Variants in NRAS observed in about 807,000 individuals in gnomAD.
The protein encoded by NRAS is NRAS proto-oncogene, GTPase.
In NRAS, 6 loss-of-function variants were observed where a neutral mutation model predicts 21.3. That is an observed-to-expected ratio of 0.28 (90% CI 0.15 to 0.56). The LOEUF is 0.56. Among genes scored for constraint, NRAS ranks in the 20% least tolerant of loss-of-function variants. The pLI, the probability that NRAS is intolerant of heterozygous loss-of-function variation, is 0.93. For missense variants in NRAS, 143 were observed against 231.3 expected (o/e 0.62, Z 2.48); for synonymous variants, 84 against 82.0 (o/e 1.02, Z -0.13).
intron 2 of NRAS, 27 bp from the exon 3 acceptor site, chr1:114,714,005 G>C: frequency 1.6e-6 from 2 of 1,236,734 alleles, no homozygotes; most frequent in Admixed American, 1.9e-5. Context: ...TAAGGGGGCA[G>C]GGAGGGAGGG....
chr1:114,715,938 CA>C (rs1659154055), intron 2 of NRAS, 111 bp downstream of exon 2: 1 of 761,174 alleles, frequency 1.3e-6, no homozygotes, highest in Admixed American at 1.9e-5. Context: ...AATGTATACC[CA>C]AAATAACTTT....
intron 1 of NRAS, among the ~76,000 whole-genome samples, 168 bp from the exon 2 acceptor site, chr1:114,716,345 T>C (rs1401819721): frequency 1.3e-5 from 2 of 151,802 alleles, no homozygotes; most frequent in Admixed American, 1.3e-4. Context: ...ACTTCTGGAG[T>C]AGTTTTCTAG....
intron 3 of NRAS, among the ~76,000 whole-genome samples, chr1:114,710,579 GA>G (rs1263360437): frequency 2.6e-5 from 4 of 151,982 alleles, no homozygotes; most frequent in African/African-American, 9.7e-5. Flanking sequence ...GCGAGAGAAA[GA>G]GAGAGCGAGA....
intron 2 of NRAS, 40 bp from the exon 3 acceptor site, chr1:114,714,018 G>A (rs753896542): frequency 4.0e-6 from 4 of 993,282 alleles, no homozygotes; most frequent in Non-Finnish European, 6.1e-6. Flanking sequence ...AGGGAGGGAA[G>A]TTCAATTTTT....
chr1:114,706,434 T>C lies in NRAS; in HGVS notation c.*1660A>G, dbSNP rs1203360163. 6.6e-6 allele frequency: 1 copy of C among 152,234 alleles called. No homozygotes were observed. The highest frequency in any genetic ancestry group is 1.5e-5 in the Non-Finnish European group (1 of 68,040). The allele number at this position is 152,234 out of a possible 1,614,324, so 9.4% of individuals were successfully genotyped here. ...GGTATCAATTAATTATATTTTCCAT[T>C]CCTGTCTCAACAATTTCAACTTCCT... is the stretch of plus-strand genomic sequence containing the variant. On this transcript the variant is annotated 3_prime_UTR_variant, in exon 7 of 7. Transcript: ENST00000369535.
rs1406157072 is a variant in NRAS, at chr1:114,706,792, C to T, written c.*1302G>A. ...AGAATTTCTTTCTCTGTGATGCTAA[C>T]TGGATTGTTCAAGTTTTGAAACTGT... On this transcript the variant is annotated 3_prime_UTR_variant, in exon 7 of 7. Transcript: ENST00000369535. 1 of 152,168 alleles carries T rather than the reference C, an allele frequency of 6.6e-6. No individual in the cohort carries two copies. Among genetic ancestry groups the T allele is most frequent in the East Asian group, 1.9e-4 (1 of 5,198 alleles). 9.4% of individuals were successfully genotyped at this position (152,168 alleles called of 1,614,324 possible).
rs1274842204 is a variant in NRAS, at chr1:114,716,068, T to C, written c.93A>G (p.Glu31=). Reference sequence around the variant, plus strand: ...GCCTCACCTCTATGGTGGGATCATATTCATCTACAAAGTGGTTCTGGATTA... The same window carrying C: ...GCCTCACCTCTATGGTGGGATCATACTCATCTACAAAGTGGTTCTGGATTA... ...IQLIQNHFVD[E]YDPTIEDSYR... is the part of the protein sequence containing the mutation. Residue 31 remains glutamate, a synonymous_variant, in exon 2 of 7, where the codon GAA becomes GAG. Transcript: ENST00000369535. The C allele has an allele frequency of 6.2e-7, 1 of 1,611,474 alleles. No homozygotes were observed. The highest frequency in any genetic ancestry group is 8.5e-7 in the Non-Finnish European group (1 of 1,177,544).
intron 5 of NRAS, 129 bp downstream of exon 5, chr1:114,708,402 T>C (rs762134087): frequency 4.8e-6 from 4 of 835,734 alleles, no homozygotes; most frequent in Non-Finnish European, 8.3e-6. Context: ...AAGGGTGTCA[T>C]ATGGAAAATG....
In NRAS at chr1:114,705,872, G is replaced by GA. The variant is rs1658901555; in HGVS notation, c.*2221dup. Reference sequence around the variant, plus strand: ...AACTTCTGTGCTTAGAACATACTTGGAAAACTCTAAGTACATACATACAAG... The same window carrying GA: ...AACTTCTGTGCTTAGAACATACTTGGAAAAACTCTAAGTACATACATACAAG... On this transcript the variant is annotated 3_prime_UTR_variant, in exon 7 of 7. Transcript: ENST00000369535. The GA allele has an allele frequency of 3.9e-5, 6 of 152,300 alleles. No homozygotes were observed. The South Asian group carries it at 1.2e-3, about 32-fold the overall frequency. 9.4% of individuals were successfully genotyped at this position (152,300 alleles called of 1,614,324 possible).
rs1294380649 is a variant in NRAS, at chr1:114,713,743, C to T, written c.290+57G>A. On this transcript the variant is annotated intron_variant, in intron 3 of 6. Transcript: ENST00000369535. Reference sequence around the variant, plus strand: ...TCCCTAGTGTGGTAACCTCATTTCCCCATAAAGATTCAGAACACAAAGATC... The same window carrying T: ...TCCCTAGTGTGGTAACCTCATTTCCTCATAAAGATTCAGAACACAAAGATC... 2.8e-6 allele frequency: 4 copies of T among 1,436,256 alleles called. No homozygotes were observed. In the African/African-American group the frequency reaches 5.6e-5, roughly 20 times the overall value. The allele number at this position is 1,436,256 out of a possible 1,614,324, so 89.0% of individuals were successfully genotyped here.
chr1:114,712,414 A>T (rs183983009), intron 3 of NRAS, among the ~76,000 whole-genome samples: 134 of 152,310 alleles, frequency 8.8e-4, no homozygotes, highest in Non-Finnish European at 1.4e-3. Context: ...ATGCATTTTC[A>T]TAAGATGTTT....
chr1:114,709,863 C>A, intron 3 of NRAS, 135 bp from the exon 4 acceptor site: 1 of 730,380 alleles, frequency 1.4e-6, no homozygotes. Context: ...TGAGATTAGC[C>A]TGGGCAACAT....
intron 2 of NRAS, 76 bp from the exon 3 acceptor site, chr1:114,714,054 C>T (rs928033665): frequency 1.1e-5 from 10 of 929,088 alleles, no homozygotes; most frequent in Middle Eastern, 2.8e-4. Flanking sequence ...GAATGCAATG[C>T]TATTGCCAAG....
At chr1:114,708,688 G>T in intron 4 of NRAS, 34 bp from the exon 5 acceptor site, 1 of 1,610,220 alleles carries the variant, frequency 6.2e-7, no homozygotes, top group Non-Finnish European at 8.5e-7. Flanking sequence ...AAATGAGAGA[G>T]CTAGCTCAAC....
intron 1 of NRAS, among the ~76,000 whole-genome samples, 177 bp from the exon 2 acceptor site, chr1:114,716,354 A>T (rs542375118): frequency 6.6e-6 from 1 of 152,324 alleles, no homozygotes; most frequent in African/African-American, 2.4e-5. Context: ...GTAGTTTTCT[A>T]GCAACCCCCA....
Position 114,705,249 on chromosome 1 carries a change from T to A in NRAS, c.*2845A>T, listed in dbSNP as rs1658883320. On this transcript the variant is annotated 3_prime_UTR_variant, in exon 7 of 7. Coordinates refer to ENST00000369535, the MANE Select transcript of NRAS (RefSeq NM_002524.5). ...AACATGGGCCCACTAAAATAGAGAT[T>A]AATTTTACCTATTACACTCCTATAG... The A allele has an allele frequency of 2.0e-5, 3 of 152,242 alleles. 1 individual carries two copies. Among genetic ancestry groups the A allele is most frequent in the Admixed American group, 2.0e-4 (3 of 15,294 alleles). The allele number at this position is 152,242 out of a possible 1,614,324, so 9.4% of individuals were successfully genotyped here. A position where few individuals can be genotyped will look rare whatever the true frequency, so the allele number is the denominator to read the frequency against.
At chr1:114,710,463 G>A (rs529554786) in intron 3 of NRAS, among the ~76,000 whole-genome samples, 2 of 149,780 alleles carry the variant, frequency 1.3e-5, no homozygotes, top group Non-Finnish European at 3.0e-5. Flanking sequence ...GCTGCAGTGA[G>A]CCATAATTGT....
At chr1:114,710,289 A>C (rs1006577293) in intron 3 of NRAS, among the ~76,000 whole-genome samples, 1,374 of 23,502 alleles carry the variant, frequency 0.058, 13 homozygotes, top group Middle Eastern at 0.23. Context: ...TTTATAATAT[A>C]TAAATATATA....
At chr1:114,711,600 C>G (rs188335706) in intron 3 of NRAS, among the ~76,000 whole-genome samples, 1 of 77,876 alleles carries the variant, frequency 1.3e-5, no homozygotes, top group African/African-American at 8.2e-5. Flanking sequence ...AGCAAAACTC[C>G]GTCTCAAAAA....
Sources: gnomAD v4.1 joint callset for allele counts (sites outside exome capture counted in the v4.1 genomes callset) on GRCh38, gnomAD v4.1.1 for gene constraint, MANE v1.5 for transcripts, NCBI Gene and HGNC (gene_info 2026-07-23, HGNC 2026-07-21) for gene names.